Variants in FGF13 observed in about 807,000 individuals in gnomAD.
FGF13 encodes fibroblast growth factor 13, also known as fibroblast growth factor homologous factor 2.
In FGF13, 2 loss-of-function variants were observed where a neutral mutation model predicts 19.5. The ratio of observed to expected loss-of-function variants is 0.10; its 90% CI spans 0.04 to 0.32. FGF13 has a LOEUF of 0.32. Ranked by LOEUF, FGF13 falls within the 10% of genes least tolerant of loss-of-function variation. FGF13 has a pLI of 1.00. For missense variants in FGF13, 113 were observed against 192.7 expected (o/e 0.59, Z 2.45); for synonymous variants, 72 against 76.9 (o/e 0.94, Z 0.33).
intron 1 of FGF13, among the ~76,000 whole-genome samples, chrX:139,147,214 TAA>T (rs769426403): frequency 2.1e-5 from 2 of 95,312 alleles, no homozygotes; most frequent in Non-Finnish European, 2.1e-5. Flanking sequence ...AAAAACAAGT[TAA>T]AAAAAAAAAA....
At chrX:139,072,554 C>T (rs1015369570) in intron 1 of FGF13, among the ~76,000 whole-genome samples, 1 of 111,813 alleles carries the variant, frequency 8.9e-6, no homozygotes, top group Non-Finnish European at 1.9e-5. Flanking sequence ...TTTTTCTCAC[C>T]TATTGGAAGA....
intron 3 of FGF13, among the ~76,000 whole-genome samples, chrX:138,838,098 G>A (rs370350132): frequency 9.0e-6 from 1 of 111,725 alleles, no homozygotes; most frequent in Non-Finnish European, 1.9e-5. Flanking sequence ...CAAACATGGC[G>A]CCCCACCCTT....
intron 3 of FGF13, among the ~76,000 whole-genome samples, chrX:138,774,889 A>T (rs995918113): frequency 8.9e-6 from 1 of 112,617 alleles, no homozygotes; most frequent in Non-Finnish European, 1.9e-5. Flanking sequence ...AACTTAATAG[A>T]ATATGGACAA....
intron 1 of FGF13, among the ~76,000 whole-genome samples, chrX:138,932,703 A>AGTGAGT (rs2091709326): frequency 1.1e-5 from 1 of 90,290 alleles, no homozygotes; most frequent in Non-Finnish European, 2.2e-5. Context: ...TCAGGAGTGT[A>AGTGAGT]GTGTGTGTGT....
At chrX:139,066,769 C>A (rs1056376566) in intron 1 of FGF13, among the ~76,000 whole-genome samples, 2 of 110,319 alleles carry the variant, frequency 1.8e-5, no homozygotes, top group African/African-American at 6.6e-5. Context: ...CTTCCTAAAT[C>A]ATTTTATGAG....
At chrX:138,680,587 C>T (rs2089718183) in intron 3 of FGF13, among the ~76,000 whole-genome samples, 1 of 111,381 alleles carries the variant, frequency 9.0e-6, no homozygotes, top group African/African-American at 3.3e-5. Flanking sequence ...TTTTTTTCCC[C>T]CCAGCAGTAA....
rs2089045324 is a variant in FGF13, at chrX:138,625,022, A to G, written c.*7828T>C. On this transcript the variant is annotated 3_prime_UTR_variant, in exon 5 of 5. Coordinates refer to ENST00000315930, the MANE Select transcript of FGF13 (RefSeq NM_004114.5). ...TAAACTGTATTTTGAAAAATGGACC[A>G]AGGAGCTGAATAGACATCTCTCCAA... is the stretch of plus-strand genomic sequence containing the variant. The G allele has an allele frequency of 9.0e-6, 1 of 111,097 alleles. No individual in the cohort carries two copies. Among genetic ancestry groups the G allele is most frequent in the Non-Finnish European group, 1.9e-5 (1 of 53,044 alleles). 9.2% of individuals were successfully genotyped at this position (111,097 alleles called of 1,213,427 possible). A position where few individuals can be genotyped will look rare whatever the true frequency, so the allele number is the denominator to read the frequency against.
Position 138,624,075 on chromosome X carries a change from T to C in FGF13, c.*8775A>G, listed in dbSNP as rs2089035932. ...ATCTTAATATAATTTTTTACAGAAATAGAAAAAAAATTCTTAAAACCTTAT... is the reference window on the plus strand; with the variant it reads ...ATCTTAATATAATTTTTTACAGAAACAGAAAAAAAATTCTTAAAACCTTAT... On this transcript the variant is annotated 3_prime_UTR_variant, in exon 5 of 5. Coordinates refer to ENST00000315930, the MANE Select transcript of FGF13 (RefSeq NM_004114.5). 8.9e-6 allele frequency: 1 copy of C among 111,797 alleles called. No homozygotes were observed. Among genetic ancestry groups the C allele is most frequent in the Non-Finnish European group, 1.9e-5 (1 of 53,136 alleles). 9.2% of individuals were successfully genotyped at this position (111,797 alleles called of 1,213,427 possible). A position where few individuals can be genotyped will look rare whatever the true frequency, so the allele number is the denominator to read the frequency against.
chrX:138,804,097 C>A (rs757345259), intron 3 of FGF13, among the ~76,000 whole-genome samples: 1 of 112,194 alleles, frequency 8.9e-6, no homozygotes, highest in South Asian at 3.7e-4. Context: ...TGCATTACCA[C>A]ATTTAGACTT....
At chrX:138,856,193 T>G (rs1334392978), downstream of FGF13, among the ~76,000 whole-genome samples, 2 of 111,659 alleles carry the variant, frequency 1.8e-5, no homozygotes, top group Non-Finnish European at 3.8e-5. Flanking sequence ...TATGTGGAAG[T>G]CGGTGGTCAC....
intron 1 of FGF13, among the ~76,000 whole-genome samples, chrX:138,965,211 G>A (rs991420695): frequency 9.8e-5 from 11 of 112,295 alleles, no homozygotes; most frequent in African/African-American, 3.6e-4. Context: ...CCTTCAGTTC[G>A]TTTAGATGTC....
intron 1 of FGF13, among the ~76,000 whole-genome samples, chrX:138,933,274 T>C (rs778425507): frequency 3.6e-5 from 4 of 111,669 alleles, no homozygotes; most frequent in Non-Finnish European, 7.5e-5. Flanking sequence ...ACCAAGGGCA[T>C]ACTAATTTTT....
intron 1 of FGF13, among the ~76,000 whole-genome samples, chrX:139,128,098 C>G (rs1408477425): frequency 2.7e-5 from 3 of 110,642 alleles, no homozygotes; most frequent in Non-Finnish European, 5.7e-5. Context: ...GCTTAAGAAA[C>G]AGCATCAGTA....
At chrX:138,829,153 G>A (rs1747968111) in intron 3 of FGF13, among the ~76,000 whole-genome samples, 1 of 111,658 alleles carries the variant, frequency 9.0e-6, no homozygotes. Flanking sequence ...TCCTTTCTCT[G>A]TCTCACACAC....
chrX:138,865,422 CCTCTCTCTCTTCTCT>C (rs1448094778), intron 1 of FGF13, among the ~76,000 whole-genome samples: 4 of 103,088 alleles, frequency 3.9e-5, no homozygotes, highest in Non-Finnish European at 7.9e-5. Context: ...AGTGAAAATT[CCTCTCTCTCTTCTCT>C]CTCTCTCTCT....
chrX:138,783,187 G>A (rs1257432321), intron 3 of FGF13, among the ~76,000 whole-genome samples: 2 of 80,875 alleles, frequency 2.5e-5, no homozygotes, highest in Admixed American at 1.4e-4. Context: ...AGACTTAAAC[G>A]TTAGACCTAA....
At chrX:138,977,118 G>T (rs1028126316) in intron 1 of FGF13, among the ~76,000 whole-genome samples, 1 of 111,498 alleles carries the variant, frequency 9.0e-6, no homozygotes, top group African/African-American at 3.3e-5. Flanking sequence ...GGGTAGTTTT[G>T]GAAGGTCCAG....
chrX:138,877,583 A>G (rs942200125), intron 1 of FGF13, among the ~76,000 whole-genome samples: 1 of 112,036 alleles, frequency 8.9e-6, no homozygotes, highest in Non-Finnish European at 1.9e-5. Flanking sequence ...ACCATTAAAC[A>G]ACAACTTTCT....
chrX:138,938,045 A>G (rs987238893), intron 1 of FGF13, among the ~76,000 whole-genome samples: 8 of 111,672 alleles, frequency 7.2e-5, no homozygotes, highest in African/African-American at 2.6e-4. Flanking sequence ...GTGGCCATTG[A>G]GGAAGAAGAA....
Sources: gnomAD v4.1 joint callset for allele counts (sites outside exome capture counted in the v4.1 genomes callset) on GRCh38, gnomAD v4.1.1 for gene constraint, MANE v1.5 for transcripts, NCBI Gene and HGNC (gene_info 2026-07-23, HGNC 2026-07-21) for gene names.